Variants in HECW1 observed in about 807,000 individuals in gnomAD.
The protein encoded by HECW1 is HECT, C2 and WW domain containing E3 ubiquitin protein ligase 1, also known as E3 ubiquitin-protein ligase HECW1.
A neutral mutation model predicts 182.3 loss-of-function variants in HECW1; 61 were observed. The observed-to-expected ratio is 0.33, with a 90% confidence interval of 0.27 to 0.41. The LOEUF (loss-of-function observed/expected upper bound fraction) is 0.41, where lower values mean the gene tolerates loss of function less well. Among genes scored for constraint, HECW1 ranks in the 10% least tolerant of loss-of-function variants. The pLI is 1.00. For missense variants in HECW1, 1,739 were observed against 2,108.9 expected, an observed-to-expected ratio of 0.82 and a Z score of 3.44; for synonymous variants, 859 against 832.6, an observed-to-expected ratio of 1.03 and a Z score of -0.55.
chr7:43,488,482 A>AAGAAAGAAAGAAAG (rs2078797401), intron 17 of HECW1, among the ~76,000 whole-genome samples: 1 of 147,922 alleles, frequency 6.8e-6, no homozygotes, highest in Non-Finnish European at 1.5e-5. Flanking sequence ...GAAAGAAAGA[A>AAGAAAGAAAGAAAG]AGAAAGAGAA....
intron 5 of HECW1, among the ~76,000 whole-genome samples, chr7:43,349,785 T>A (rs1289768491): frequency 6.6e-6 from 1 of 152,214 alleles, no homozygotes; most frequent in Non-Finnish European, 1.5e-5. Context: ...GATAGTTGGT[T>A]GGTGAGTTAT....
intron 13 of HECW1, among the ~76,000 whole-genome samples, chr7:43,460,640 T>A (rs2077552336): frequency 6.6e-6 from 1 of 152,188 alleles, no homozygotes; most frequent in African/African-American, 2.4e-5. Flanking sequence ...CTATCTATTA[T>A]AAATATTTAA....
intron 8 of HECW1, among the ~76,000 whole-genome samples, chr7:43,424,504 T>A (rs536471705): frequency 1.6e-4 from 24 of 152,136 alleles, no homozygotes; most frequent in African/African-American, 5.5e-4. Context: ...GTGCCTGTAG[T>A]TCCAGGTACT....
chr7:43,480,550 T>TA (rs1366493034), intron 17 of HECW1, among the ~76,000 whole-genome samples: 1 of 151,940 alleles, frequency 6.6e-6, no homozygotes, highest in Admixed American at 6.6e-5. Flanking sequence ...ATCATAAGGT[T>TA]AAAAAATCAA....
rs2077405906 is a variant in HECW1, at chr7:43,456,447, G to A, written c.2651G>A (p.Arg884Gln). ...SIQQMEQLNRRYQNIQRTIAT... is the reference protein window; with the variant it reads ...SIQQMEQLNRQYQNIQRTIAT... ...CAGCAGATGGAGCAACTCAACAGGC[G>A]GTTGGTGATCAGTATGCAATGAGCT... Residue 884 changes from arginine to glutamine, a missense_variant and splice_region_variant, in exon 13 of 30, where the codon CGG (arginine) becomes CAG (glutamine). Physicochemically the swap from Arg to Gln is conservative, Grantham distance 43 (BLOSUM62 1). Coordinates refer to ENST00000395891, the MANE Select transcript of HECW1 (RefSeq NM_015052.5). The A allele has an allele frequency of 1.2e-6, 2 of 1,613,392 alleles. No homozygotes were observed. The highest frequency in any genetic ancestry group is 1.7e-6 in the Non-Finnish European group (2 of 1,179,590).
chr7:43,329,058 G>C (rs994309747), intron 5 of HECW1, among the ~76,000 whole-genome samples: 2 of 152,048 alleles, frequency 1.3e-5, no homozygotes, highest in African/African-American at 4.8e-5. Context: ...ACTTCTTTTT[G>C]TGCTTTGTGT....
chr7:43,554,801 C>G lies in HECW1; in HGVS notation c.4709+11C>G, dbSNP rs752814141. The G allele has an allele frequency of 6.2e-7, 1 of 1,610,560 alleles. No homozygotes were observed. Among genetic ancestry groups the G allele is most frequent in the Non-Finnish European group, 8.5e-7 (1 of 1,178,146 alleles). On this transcript the variant is annotated intron_variant, in intron 29 of 29. Transcript: ENST00000395891. Reference sequence around the variant, plus strand: ...TACTTCTCTCCCCAGGTACAGAGCTCCTGCCAGCCTTCGGGGAAACCTGCT... The same window carrying G: ...TACTTCTCTCCCCAGGTACAGAGCTGCTGCCAGCCTTCGGGGAAACCTGCT...
intron 13 of HECW1, among the ~76,000 whole-genome samples, chr7:43,462,575 G>C (rs1160261962): frequency 1.3e-5 from 2 of 152,126 alleles, no homozygotes; most frequent in African/African-American, 4.8e-5. Context: ...TCAGGGGGTG[G>C]GGCTGGCAGT....
chr7:43,168,671 TAAG>T (rs1328153152), intron 2 of HECW1, among the ~76,000 whole-genome samples: 2 of 151,614 alleles, frequency 1.3e-5, no homozygotes, highest in East Asian at 1.9e-4. Flanking sequence ...AAAATAATAA[TAAG>T]AATAATAATA....
chr7:43,315,455 C>CATT (rs1236856008), intron 4 of HECW1, among the ~76,000 whole-genome samples: 40 of 117,736 alleles, frequency 3.4e-4, no homozygotes, highest in African/African-American at 2.2e-3. Context: ...TCTCCCGTCC[C>CATT]ATTATTATTG....
rs1366071867 is a variant in HECW1 at position 43,445,498 on chromosome 7, C to T, written c.2326C>T (p.Pro776Ser). Residue 776 changes from proline (P) to serine (S), a missense_variant, in exon 11 of 30, where the codon CCT (proline) becomes TCT (serine). Around this residue, in one of 5 missense-constraint regions of HECW1, gnomAD observed 971 missense variants for 1,029.1 expected, o/e 0.94. Coordinates refer to ENST00000395891, the MANE Select transcript of HECW1 (RefSeq NM_015052.5). Reference sequence around the variant, plus strand: ...GCCGTGGCAAGACGAGCTGGCCGCCCCTAGCGGGCACGTGGAAAGAAGCCC... The same window carrying T: ...GCCGTGGCAAGACGAGCTGGCCGCCTCTAGCGGGCACGTGGAAAGAAGCCC... ...AGPWQDELAA[P>S]SGHVERSPEG... 4 of 1,611,620 alleles carry T rather than the reference C, an allele frequency of 2.5e-6. No individual in the cohort carries two copies. The highest frequency in any genetic ancestry group is 3.4e-6 in the Non-Finnish European group (4 of 1,178,872).
chr7:43,324,613 G>A lies in HECW1; in HGVS notation c.460+3871G>A, dbSNP rs1464620790. Among the ~76,000 whole-genome samples the A allele has an allele frequency of 2.6e-5, 4 of 152,112 alleles. No individual in the cohort carries two copies. The East Asian group carries it at 7.7e-4, about 29-fold the overall frequency. ...CCCAGCCATGATCCAAAGGGTTACA[G>A]AAGCTTCTATTATGAACTAAAAATA... On this transcript the variant is annotated intron_variant, in intron 5 of 29. Coordinates refer to ENST00000395891, the MANE Select transcript of HECW1 (RefSeq NM_015052.5).
chr7:43,562,313 C>T lies in HECW1; in HGVS notation c.*387C>T, dbSNP rs958957416. The T allele has an allele frequency of 2.9e-5, 7 of 239,622 alleles. No homozygotes were observed. The highest frequency in any genetic ancestry group is 1.7e-4 in the Admixed American group (3 of 18,110). 14.8% of individuals were successfully genotyped at this position (239,622 alleles called of 1,614,324 possible). On this transcript the variant is annotated 3_prime_UTR_variant, in exon 30 of 30. Coordinates refer to ENST00000395891, the MANE Select transcript of HECW1 (RefSeq NM_015052.5). ...GAAGGGAAAATGTGAGCATTAAGCA[C>T]TCCAGGCTTTCATATGCCCATGTCT...
At chr7:43,223,071 G>A (rs139045122) in intron 2 of HECW1, among the ~76,000 whole-genome samples, 4 of 152,192 alleles carry the variant, frequency 2.6e-5, no homozygotes, top group South Asian at 2.1e-4. Flanking sequence ...ATCTTAGTTC[G>A]TGGCCAATCT....
chr7:43,237,144 G>T (rs755785514), intron 2 of HECW1, among the ~76,000 whole-genome samples: 1 of 49,660 alleles, frequency 2.0e-5, no homozygotes, highest in Non-Finnish European at 3.8e-5. Context: ...GAAGGAAGTA[G>T]GTAGGTAGGT....
At chr7:43,491,747 C>G (rs1750957282) in intron 17 of HECW1, among the ~76,000 whole-genome samples, 1 of 152,184 alleles carries the variant, frequency 6.6e-6, no homozygotes, top group African/African-American at 2.4e-5. Flanking sequence ...CATCTGCCAC[C>G]ACATCTGGCT....
chr7:43,218,882 G>A (rs1174046585), intron 2 of HECW1, among the ~76,000 whole-genome samples: 1 of 152,150 alleles, frequency 6.6e-6, no homozygotes, highest in African/African-American at 2.4e-5. Context: ...GGGTTTAATA[G>A]ACAAGAAAGA....
intron 10 of HECW1, among the ~76,000 whole-genome samples, chr7:43,443,164 A>G (rs1476766693): frequency 6.6e-6 from 1 of 152,214 alleles, no homozygotes; most frequent in African/African-American, 2.4e-5. Flanking sequence ...CAAAATACGA[A>G]TGATAAGATG....
chr7:43,402,377 C>T (rs977294441), intron 7 of HECW1, among the ~76,000 whole-genome samples: 2 of 152,186 alleles, frequency 1.3e-5, no homozygotes, highest in African/African-American at 4.8e-5. Context: ...CATGCTCCCT[C>T]TCCCATAAGA....
Sources: allele counts gnomAD v4.1 joint callset (sites outside exome capture counted in the v4.1 genomes callset), GRCh38; gene constraint gnomAD v4.1.1; regional missense constraint gnomAD v4.1.1; transcripts MANE v1.5; gene names NCBI Gene and HGNC (gene_info 2026-07-23, HGNC 2026-07-21).